ZNF385D: variants seen among roughly 807,000 people sequenced by gnomAD.
ZNF385D encodes the protein zinc finger protein 659.
ZNF385D carries 15 observed loss-of-function variants against 35.8 expected under a neutral mutation model. That is an observed-to-expected ratio of 0.42 (90% CI 0.28 to 0.64). The LOEUF (loss-of-function observed/expected upper bound fraction) is 0.64. Ranked by LOEUF, ZNF385D falls within the 30% of genes least tolerant of loss-of-function variation. ZNF385D has a pLI of 0.23. For synonymous variants in ZNF385D, 212 were observed against 186.8 expected (o/e 1.13, Z -1.10); for missense variants, 474 against 494.6 (o/e 0.96, Z 0.39).
intron 2 of ZNF385D, among the ~76,000 whole-genome samples, chr3:22,190,636 C>G (rs1373592790): frequency 2.0e-5 from 3 of 152,182 alleles, no homozygotes; most frequent in Non-Finnish European, 2.9e-5. Context: ...CTGGAGTAAT[C>G]TGGTATTGAA....
chr3:21,631,192 C>T (rs1382559585), intron 2 of ZNF385D, among the ~76,000 whole-genome samples: 1 of 152,116 alleles, frequency 6.6e-6, no homozygotes, highest in Non-Finnish European at 1.5e-5. Flanking sequence ...TTCCACGCTG[C>T]ACTTCAGTGG....
chr3:21,436,905 C>A (rs1701579668), intron 5 of ZNF385D, 65 bp downstream of exon 5: 1 of 1,450,650 alleles, frequency 6.9e-7, no homozygotes, highest in Non-Finnish European at 9.4e-7. Flanking sequence ...TGCAAAAGAT[C>A]TAATCTATTC....
rs116550476 is a variant in ZNF385D, at chr3:21,585,746, C to G, written c.166-21062G>C. Among the ~76,000 whole-genome samples the G allele has an allele frequency of 9.0e-3, 1,372 of 152,254 alleles. 12 individuals are homozygous for G. The highest frequency in any genetic ancestry group is 0.015 in the Non-Finnish European group (990 of 68,022). On this transcript the variant is annotated intron_variant, in intron 2 of 7. Coordinates refer to ENST00000281523, the MANE Select transcript of ZNF385D (RefSeq NM_024697.3). Reference sequence around the variant, plus strand: ...TGCATAACACGCCTTGGCAAAAGTTCCCGTAGCTGTTTTCACTTTATCATA... The same window carrying G: ...TGCATAACACGCCTTGGCAAAAGTTGCCGTAGCTGTTTTCACTTTATCATA...
At chr3:21,800,873 C>A (rs1273462011) in intron 3 of ZNF385D, among the ~76,000 whole-genome samples, 1 of 151,724 alleles carries the variant, frequency 6.6e-6, no homozygotes, top group African/African-American at 2.4e-5. Flanking sequence ...CTTTTTCTTG[C>A]CTAATTGCTA....
At chr3:22,192,738 G>T (rs1332566550) in intron 2 of ZNF385D, among the ~76,000 whole-genome samples, 1 of 152,114 alleles carries the variant, frequency 6.6e-6, no homozygotes, top group African/African-American at 2.4e-5. Context: ...TAGAAAATGT[G>T]TGAGATAATT....
chr3:21,466,433 G>A (rs1260514556), intron 4 of ZNF385D, among the ~76,000 whole-genome samples: 1 of 152,090 alleles, frequency 6.6e-6, no homozygotes, highest in Non-Finnish European at 1.5e-5. Context: ...TTTGGCTAAT[G>A]TGTACTTACC....
chr3:22,228,758 C>A (rs753257887), intron 2 of ZNF385D, among the ~76,000 whole-genome samples: 34 of 152,140 alleles, frequency 2.2e-4, no homozygotes, highest in Non-Finnish European at 4.3e-4. Context: ...ACAATCTAAT[C>A]AGCTGCCAGC....
intron 3 of ZNF385D, among the ~76,000 whole-genome samples, chr3:22,155,132 AT>A (rs1705504053): frequency 6.6e-6 from 1 of 152,152 alleles, no homozygotes; most frequent in Non-Finnish European, 1.5e-5. Flanking sequence ...ATCATTACAC[AT>A]TGTATGAATA....
intron 3 of ZNF385D, among the ~76,000 whole-genome samples, chr3:21,543,169 G>C (rs1421409942): frequency 6.6e-6 from 1 of 152,102 alleles, no homozygotes; most frequent in African/African-American, 2.4e-5. Flanking sequence ...AAAATAAGCC[G>C]GTGTGGTGGC....
intron 3 of ZNF385D, among the ~76,000 whole-genome samples, chr3:22,026,155 C>T (rs1697536766): frequency 6.6e-6 from 1 of 152,024 alleles, no homozygotes; most frequent in African/African-American, 2.4e-5. Flanking sequence ...TGCATTCCTA[C>T]CTACATTATA....
At chr3:21,982,309 T>C (rs779628133) in intron 3 of ZNF385D, among the ~76,000 whole-genome samples, 1 of 152,034 alleles carries the variant, frequency 6.6e-6, no homozygotes, top group Non-Finnish European at 1.5e-5. Flanking sequence ...TAGCTGTATT[T>C]CTAGGTTTTC....
chr3:21,436,144 T>C (rs950245879), intron 5 of ZNF385D, among the ~76,000 whole-genome samples: 6 of 151,978 alleles, frequency 3.9e-5, no homozygotes, highest in African/African-American at 7.3e-5. Context: ...TGCGAGACTG[T>C]GTGTATGTGT....
intron 3 of ZNF385D, chr3:21,979,658 G>A (rs539033655): frequency 2.0e-5 from 3 of 152,194 alleles, no homozygotes; most frequent in East Asian, 1.9e-4. Flanking sequence ...TAATAAAGAC[G>A]ACTACTTTTC....
intron 2 of ZNF385D, among the ~76,000 whole-genome samples, chr3:21,587,951 A>G (rs1575260204): frequency 6.6e-6 from 1 of 152,164 alleles, no homozygotes; most frequent in Non-Finnish European, 1.5e-5. Context: ...TTAAAAAGGT[A>G]GGTTCTATTA....
At chr3:22,128,272 G>A (rs781009012) in intron 3 of ZNF385D, among the ~76,000 whole-genome samples, 2 of 152,066 alleles carry the variant, frequency 1.3e-5, no homozygotes, top group Non-Finnish European at 2.9e-5. Flanking sequence ...GCTCTTTTAT[G>A]TGTTATTTAT....
intron 3 of ZNF385D, among the ~76,000 whole-genome samples, chr3:21,900,404 T>C (rs548951983): frequency 1.8e-4 from 27 of 152,114 alleles, no homozygotes; most frequent in Non-Finnish European, 3.5e-4. Flanking sequence ...GAGAAAAACA[T>C]TGTGACCTCT....
rs543099820 is a variant in ZNF385D, at chr3:21,759,855, C to T, written c.326-94827G>A. Among the ~76,000 whole-genome samples, 15 of 152,218 alleles carry T rather than the reference C, an allele frequency of 9.9e-5. No individual in the cohort carries two copies. In the South Asian group the frequency reaches 2.3e-3, roughly 23 times the overall value. ...AAATTTGGATGCTTTAGGTCATGAA[C>T]ATTCCATTTTTATATATACTGTGAT... On this transcript the variant is annotated intron_variant, in intron 3 of 5. Transcript: ENST00000494108.
intron 2 of ZNF385D, among the ~76,000 whole-genome samples, chr3:22,192,145 A>G (rs1434455199): frequency 6.6e-6 from 1 of 152,130 alleles, no homozygotes; most frequent in East Asian, 1.9e-4. Flanking sequence ...AGACTAACAG[A>G]TTGCAGTAAC....
intron 2 of ZNF385D, among the ~76,000 whole-genome samples, chr3:21,598,454 A>G (rs925475826): frequency 2.6e-5 from 4 of 152,218 alleles, no homozygotes; most frequent in African/African-American, 9.6e-5. Context: ...GCAGTACAAA[A>G]CATATTCCCA....
Sources: allele counts gnomAD v4.1 joint callset (sites outside exome capture counted in the v4.1 genomes callset), GRCh38; gene constraint gnomAD v4.1.1; transcripts MANE v1.5; gene names NCBI Gene and HGNC (gene_info 2026-07-23, HGNC 2026-07-21).